OSBPL10: variants seen among roughly 807,000 people sequenced by gnomAD.
OSBPL10 encodes the protein oxysterol-binding protein-related protein 10.
A neutral mutation model predicts 81.7 loss-of-function variants in OSBPL10; 49 were observed. The ratio of observed to expected loss-of-function variants is 0.60; its 90% confidence interval spans 0.48 to 0.76. The LOEUF (loss-of-function observed/expected upper bound fraction) is 0.76. Ranked by LOEUF, OSBPL10 falls within the 30% of genes least tolerant of loss-of-function variation. The pLI is 0.00. For missense variants in OSBPL10, 923 were observed against 987.8 expected, an observed-to-expected ratio of 0.93 and a Z score of 0.88; for synonymous variants, 419 against 383.6, an observed-to-expected ratio of 1.09 and a Z score of -1.08.
At chr3:31,750,337 ATTATCTGTGTTGTCTGC>A (rs1420728559) in intron 4 of OSBPL10, among the ~76,000 whole-genome samples, 4 of 152,222 alleles carry the variant, frequency 2.6e-5, no homozygotes, top group African/African-American at 9.6e-5. Context: ...AGCAGGAATC[ATTATCTGTGTTGTCTGC>A]TGATGTATCC....
Position 31,748,022 on chromosome 3 carries a change from C to CA in OSBPL10, c.827dup (p.Leu277AlafsTer79). The CA allele has an allele frequency of 1.9e-6, 3 of 1,614,206 alleles. No individual in the cohort carries two copies. Among genetic ancestry groups the CA allele is most frequent in the Non-Finnish European group, 2.5e-6 (3 of 1,180,036 alleles). ...TGGCAGCAGAGGTAGCTTTCAGGAG[C>CA]AGCAGGTCCTGGTCCAAGGCAGTGA... On this transcript the variant is annotated frameshift_variant, in exon 5 of 12. Transcript: ENST00000396556. LOFTEE classifies it high-confidence loss of function.
chr3:31,664,221 C>T lies in OSBPL10; in HGVS notation c.2108G>A (p.Arg703Gln), dbSNP rs369454150. Residue 703 changes from arginine (R) to glutamine (Q), a missense_variant, in exon 11 of 12, where the codon CGG (arginine) becomes CAG (glutamine). Transcript: ENST00000396556. ...QGPMESRNLWREVTRYLRLGD... is the reference protein window; with the variant it reads ...QGPMESRNLWQEVTRYLRLGD... ...CAGCCGCAGGTATCGGGTCACCTCCCGCCAGAGGTTCCTGGGGATGCGTGG... is the reference window on the plus strand; with the variant it reads ...CAGCCGCAGGTATCGGGTCACCTCCTGCCAGAGGTTCCTGGGGATGCGTGG... 2.7e-5 allele frequency: 44 copies of T among 1,612,280 alleles called. No homozygotes were observed. Among genetic ancestry groups the T allele is most frequent in the Non-Finnish European group, 3.4e-5 (40 of 1,180,022 alleles).
At chr3:31,805,905 G>C (rs1172773388) in intron 4 of OSBPL10, among the ~76,000 whole-genome samples, 1 of 151,706 alleles carries the variant, frequency 6.6e-6, no homozygotes, top group Non-Finnish European at 1.5e-5. Context: ...AACTTATTAA[G>C]TACCTGGCAC....
chr3:31,971,001 C>G (rs1241246337), intron 1 of OSBPL10, among the ~76,000 whole-genome samples: 2 of 152,204 alleles, frequency 1.3e-5, no homozygotes, highest in Non-Finnish European at 2.9e-5. Flanking sequence ...AGGTCTTCCT[C>G]CACCTGCGAC....
chr3:31,755,776 T>C (rs1697870919), intron 4 of OSBPL10, among the ~76,000 whole-genome samples: 1 of 152,192 alleles, frequency 6.6e-6, no homozygotes, highest in Admixed American at 6.5e-5. Flanking sequence ...TCCAGTGTTG[T>C]CTCTAAACCA....
chr3:32,059,940 A>T (rs1699742751), intron 1 of OSBPL10, among the ~76,000 whole-genome samples: 1 of 152,092 alleles, frequency 6.6e-6, no homozygotes, highest in South Asian at 2.1e-4. Context: ...AGGCTAAATT[A>T]ATATAGGGTT....
intron 4 of OSBPL10, among the ~76,000 whole-genome samples, chr3:31,802,968 CTTTTTTTT>C (rs376218656): frequency 3.1e-5 from 4 of 130,018 alleles, no homozygotes; most frequent in Non-Finnish European, 3.2e-5. Flanking sequence ...GTATTGGGTC[CTTTTTTTT>C]TTTTTTTTTT....
At chr3:31,836,176 G>A (rs939825613) in intron 3 of OSBPL10, among the ~76,000 whole-genome samples, 1 of 152,152 alleles carries the variant, frequency 6.6e-6, no homozygotes, top group Non-Finnish European at 1.5e-5. Context: ...AGAAATACGA[G>A]TTTCAACATT....
chr3:31,777,953 G>T (rs1407242388), intron 4 of OSBPL10, among the ~76,000 whole-genome samples: 1 of 152,228 alleles, frequency 6.6e-6, no homozygotes. Context: ...AAAGGTTGCA[G>T]GGTGAAAGAA....
chr3:31,714,888 C>T (rs1696383970), intron 6 of OSBPL10: 1 of 151,868 alleles, frequency 6.6e-6, no homozygotes, highest in African/African-American at 2.4e-5. Flanking sequence ...TACCACACCA[C>T]CAGAGTGTTC....
chr3:31,894,989 A>G (rs1373652683), intron 1 of OSBPL10, among the ~76,000 whole-genome samples: 1 of 152,124 alleles, frequency 6.6e-6, no homozygotes, highest in Admixed American at 6.5e-5. Context: ...ATTCCATGCC[A>G]CACTCTAGGG....
At chr3:31,691,151 A>C (rs777794269) in intron 7 of OSBPL10, among the ~76,000 whole-genome samples, 1 of 152,180 alleles carries the variant, frequency 6.6e-6, no homozygotes, top group African/African-American at 2.4e-5. Context: ...CGTTAACATA[A>C]TTAAGACAGT....
At chr3:31,988,400 A>C (rs1218186103) in intron 2 of OSBPL10, among the ~76,000 whole-genome samples, 1 of 152,052 alleles carries the variant, frequency 6.6e-6, no homozygotes, top group Non-Finnish European at 1.5e-5. Flanking sequence ...ATGTGGGAGG[A>C]ATATAAAAAA....
chr3:31,859,830 C>T (rs1391357021), intron 3 of OSBPL10, among the ~76,000 whole-genome samples: 2 of 152,200 alleles, frequency 1.3e-5, no homozygotes, highest in Admixed American at 1.3e-4. Flanking sequence ...TTACAGCACC[C>T]TTACCTTGTA....
At chr3:31,989,198 G>A (rs758705908) in intron 2 of OSBPL10, 13 of 1,614,034 alleles carry the variant, frequency 8.1e-6, no homozygotes, top group African/African-American at 1.3e-5. Context: ...GAGTGGAAAT[G>A]CCTGGACCCT....
At chr3:31,893,442 C>A (rs371701734) in intron 1 of OSBPL10, among the ~76,000 whole-genome samples, 2 of 152,308 alleles carry the variant, frequency 1.3e-5, no homozygotes, top group African/African-American at 4.8e-5. Context: ...GAAACTGGAA[C>A]CTTTCCACAC....
At chr3:32,039,158 T>C (rs540172733) in intron 2 of OSBPL10, among the ~76,000 whole-genome samples, 13 of 151,332 alleles carry the variant, frequency 8.6e-5, no homozygotes, top group Non-Finnish European at 1.3e-4. Flanking sequence ...ACCCTGTCTC[T>C]ACCAAAAATA....
chr3:31,684,637 G>A (rs1024058829), intron 7 of OSBPL10, among the ~76,000 whole-genome samples: 7 of 152,182 alleles, frequency 4.6e-5, no homozygotes, highest in African/African-American at 9.7e-5. Flanking sequence ...GGGAGGCCTC[G>A]GTAGAAGAAT....
chr3:32,069,092 T>C (rs1481252354), intron 1 of OSBPL10, among the ~76,000 whole-genome samples: 1 of 152,080 alleles, frequency 6.6e-6, no homozygotes, highest in African/African-American at 2.4e-5. Flanking sequence ...ATAGTCAGGG[T>C]ACATGTGCCT....
Sources: allele counts gnomAD v4.1 joint callset (sites outside exome capture counted in the v4.1 genomes callset), GRCh38; gene constraint gnomAD v4.1.1; transcripts MANE v1.5; gene names NCBI Gene and HGNC (gene_info 2026-07-23, HGNC 2026-07-21).